The following CBX3 variants were observed in gnomAD, a reference collection of about 807,000 sequenced individuals.
CBX3 encodes chromobox 3.
CBX3 carries 5 observed loss-of-function variants against 22.6 expected under a neutral mutation model. That is an observed-to-expected ratio of 0.22 (90% CI 0.12 to 0.47). The LOEUF (loss-of-function observed/expected upper bound fraction) is 0.47. CBX3 is among the 20% of genes least tolerant of loss of function. The pLI is 0.99. For synonymous variants in CBX3, 50 were observed against 66.6 expected, an observed-to-expected ratio of 0.75 and a Z score of 1.21; for missense variants, 83 against 208.1, an observed-to-expected ratio of 0.40 and a Z score of 3.70.
rs1463282258 is a variant in CBX3, at chr7:26,201,840, C to T, written c.-29+14C>T. 1.1e-4 allele frequency: 11 copies of T among 97,446 alleles called. No homozygotes were observed. Among genetic ancestry groups the T allele is most frequent in the East Asian group, 7.5e-4 (2 of 2,682 alleles). 6.0% of individuals were successfully genotyped at this position (97,446 alleles called of 1,614,324 possible). ...GGAGGCGGTGAAGTCGGTGGCTTTC[C>T]TTCTCTCTAGCTCTCGCTCGCTGGT... is the stretch of plus-strand genomic sequence containing the variant. On this transcript the variant is annotated intron_variant, in intron 1 of 5. Coordinates refer to ENST00000396386, the MANE Select transcript of CBX3 (RefSeq NM_016587.4).
At position 26,203,034 on chromosome 7, in the gene CBX3, AAAACC is replaced by A; in HGVS notation, c.24+13_24+17del. 1 of 1,596,266 alleles carries A rather than the reference AAAACC, an allele frequency of 6.3e-7. No individual in the cohort carries two copies. The highest frequency in any genetic ancestry group is 8.6e-7 in the Non-Finnish European group (1 of 1,164,742). ...ACAAAACTACATTGGTAAGTTAATG[AAAACC>A]TAAAATATGTAAGGATTTAACTCAA... On this transcript the variant is annotated intron_variant, in intron 2 of 5. Transcript: ENST00000396386.
Position 26,208,376 on chromosome 7 carries a change from TA to T in CBX3, c.168-15del. ...TTAATTCAATCACCTTTTTTTTTTT[TA>T]ATAAACTAAACACAGTGCTGACAAT... is the stretch of plus-strand genomic sequence containing the variant. On this transcript the variant is annotated splice_polypyrimidine_tract_variant and intron_variant, in intron 3 of 5. Transcript: ENST00000396386. The T allele has an allele frequency of 6.5e-7, 1 of 1,535,238 alleles. No homozygotes were observed. Among genetic ancestry groups the T allele is most frequent in the South Asian group, 1.2e-5 (1 of 82,140 alleles).
rs1247848424 is a variant in CBX3, at chr7:26,212,875, T to G, written c.*667T>G. The stretch of plus-strand genomic sequence containing the variant: ...TGCAAAATTCCTAAAAGGAAAAATT[T>G]TATCACTGCCATCACAGCAGGTTTC... On this transcript the variant is annotated 3_prime_UTR_variant, in exon 6 of 6. Transcript: ENST00000396386. 1.3e-5 allele frequency: 2 copies of G among 152,278 alleles called. No individual in the cohort carries two copies. Among genetic ancestry groups the G allele is most frequent in the African/African-American group, 4.8e-5 (2 of 41,466 alleles). 9.4% of individuals were successfully genotyped at this position (152,278 alleles called of 1,614,324 possible).
chr7:26,205,221 T>C (rs1784648344), intron 2 of CBX3, among the ~76,000 whole-genome samples: 1 of 152,158 alleles, frequency 6.6e-6, no homozygotes, highest in African/African-American at 2.4e-5. Flanking sequence ...TTTTTAGTCC[T>C]CTCATAGGAA....
chr7:26,208,336 G>C, intron 3 of CBX3, 57 bp from the exon 4 acceptor site: 1 of 1,366,052 alleles, frequency 7.3e-7, no homozygotes, highest in Non-Finnish European at 1.0e-6. Flanking sequence ...TCTGGATAAT[G>C]GTGATGAATC....
intron 3 of CBX3, among the ~76,000 whole-genome samples, chr7:26,206,777 T>C (rs11971676): frequency 0.019 from 2,859 of 152,294 alleles, 90 homozygotes; most frequent in African/African-American, 0.066. Context: ...ATGTAATATA[T>C]TTTAATGTGG....
At chr7:26,205,119 A>T (rs2128136965) in intron 2 of CBX3, among the ~76,000 whole-genome samples, 1 of 152,264 alleles carries the variant, frequency 6.6e-6, no homozygotes. Flanking sequence ...AAATGTTAAG[A>T]TGGATTCCTT....
intron 2 of CBX3, 156 bp from the exon 3 acceptor site, chr7:26,206,212 G>A: frequency 1.8e-6 from 1 of 568,800 alleles, no homozygotes; most frequent in South Asian, 2.4e-5. Context: ...TTATTTTATT[G>A]TCTGTTGACT....
chr7:26,208,565 A>G lies in CBX3; in HGVS notation c.330+10A>G, dbSNP rs776489024. 1.1e-5 allele frequency: 16 copies of G among 1,420,530 alleles called. No homozygotes were observed. The South Asian group carries it at 2.0e-4, about 18-fold the overall frequency. 88.0% of individuals were successfully genotyped at this position (1,420,530 alleles called of 1,614,324 possible). On this transcript the variant is annotated intron_variant, in intron 4 of 5. Transcript: ENST00000396386. ...GAAGAAAAGAGATGCTGTAAGTATAAAATATTGCCCACCAGCTTGTCCTTT... is the reference window on the plus strand; with the variant it reads ...GAAGAAAAGAGATGCTGTAAGTATAGAATATTGCCCACCAGCTTGTCCTTT...
chr7:26,206,268 ATTT>A, intron 2 of CBX3, 97 bp from the exon 3 acceptor site: 1 of 752,020 alleles, frequency 1.3e-6, no homozygotes, highest in South Asian at 1.9e-5. Flanking sequence ...AGAAGTAAAA[ATTT>A]ATGTCGAATG....
In CBX3 at chr7:26,212,631, G is replaced by A. The variant is rs1784834169; in HGVS notation, c.*423G>A. On this transcript the variant is annotated 3_prime_UTR_variant, in exon 6 of 6. Coordinates refer to ENST00000396386, the MANE Select transcript of CBX3 (RefSeq NM_016587.4). ...GTGTGTGTATCCATAAAATGCATAT[G>A]TAAATTTTTTTTTGTTTTTAAGCAT... 1 of 151,886 alleles carries A rather than the reference G, an allele frequency of 6.6e-6. No homozygotes were observed. Among genetic ancestry groups the A allele is most frequent in the Non-Finnish European group, 1.5e-5 (1 of 67,998 alleles). The allele number at this position is 151,886 out of a possible 1,614,324, so 9.4% of individuals were successfully genotyped here. A position where few individuals can be genotyped will look rare whatever the true frequency, so the allele number is the denominator to read the frequency against.
chr7:26,203,344 C>T (rs960728735), intron 2 of CBX3, among the ~76,000 whole-genome samples: 128 of 152,066 alleles, frequency 8.4e-4, no homozygotes, highest in African/African-American at 3.0e-3. Flanking sequence ...TGGTAAAGCC[C>T]TTGTTGGTTG....
chr7:26,203,078 A>ATG lies in CBX3; in HGVS notation c.24+56_24+57insTG. Reference sequence around the variant, plus strand: ...GATTTAACTCAAGTTTTTTTTCCCCACAGTATAACTTTGCATCTCTGTGGC... The same window carrying ATG: ...GATTTAACTCAAGTTTTTTTTCCCCATGCAGTATAACTTTGCATCTCTGTGGC... On this transcript the variant is annotated intron_variant, in intron 2 of 5. Coordinates refer to ENST00000396386, the MANE Select transcript of CBX3 (RefSeq NM_016587.4). The ATG allele has an allele frequency of 2.6e-6, 3 of 1,175,072 alleles. No homozygotes were observed. In the South Asian group the frequency reaches 3.9e-5, roughly 15 times the overall value. 72.8% of individuals were successfully genotyped at this position (1,175,072 alleles called of 1,614,324 possible).
rs370029780 is a variant in CBX3 at position 26,210,464 on chromosome 7, G to C, written c.331-1198G>C. 6 of 152,258 alleles carry C rather than the reference G, an allele frequency of 3.9e-5. No homozygotes were observed. The East Asian group carries it at 9.6e-4, about 24-fold the overall frequency. 9.4% of individuals were successfully genotyped at this position (152,258 alleles called of 1,614,324 possible). Reference sequence around the variant, plus strand: ...AAACCACAAAGAGGTTAATTAACTTGCCCAAAGCCACACAGCTCGTAAGTG... The same window carrying C: ...AAACCACAAAGAGGTTAATTAACTTCCCCAAAGCCACACAGCTCGTAAGTG... On this transcript the variant is annotated intron_variant, in intron 4 of 5. Transcript: ENST00000396386.
chr7:26,204,000 G>C (rs1288597688), intron 2 of CBX3, among the ~76,000 whole-genome samples: 2 of 152,192 alleles, frequency 1.3e-5, no homozygotes, highest in Non-Finnish European at 2.9e-5. Context: ...AGGATCACAG[G>C]TTGGCCACTT....
At chr7:26,203,451 A>G (rs1696189215) in intron 2 of CBX3, among the ~76,000 whole-genome samples, 1 of 152,222 alleles carries the variant, frequency 6.6e-6, no homozygotes, top group South Asian at 2.1e-4. Context: ...GTTGGAGCAA[A>G]AGTCATTGAA....
Position 26,213,298 on chromosome 7 carries a change from C to A in CBX3, c.*1090C>A, listed in dbSNP as rs1357344089. 6.6e-6 allele frequency: 1 copy of A among 152,524 alleles called. No individual in the cohort carries two copies. Among genetic ancestry groups the A allele is most frequent in the East Asian group, 1.9e-4 (1 of 5,196 alleles). The allele number at this position is 152,524 out of a possible 1,614,324, so 9.4% of individuals were successfully genotyped here. A position where few individuals can be genotyped will look rare whatever the true frequency, so the allele number is the denominator to read the frequency against. ...ATGTTATCCAACTGTATATTGTTTA[C>A]TTTATTGTAAATACTGGTGAACAGT... On this transcript the variant is annotated 3_prime_UTR_variant, in exon 6 of 6. Transcript: ENST00000396386.
chr7:26,202,818 G>A, intron 1 of CBX3, 153 bp from the exon 2 acceptor site: 1 of 654,292 alleles, frequency 1.5e-6, no homozygotes, highest in Non-Finnish European at 2.7e-6. Context: ...TACATCATAA[G>A]CAATGTAGGT....
chr7:26,208,917 CTTTTTTTTTTTTTTTTT>C (rs59657982), intron 4 of CBX3, among the ~76,000 whole-genome samples: 42 of 27,942 alleles, frequency 1.5e-3, no homozygotes, highest in African/African-American at 3.5e-3. Context: ...CACGCCTGGC[CTTTTTTTTTTTTTTTTT>C]TTTTTTTTTT....
Sources: allele counts gnomAD v4.1 joint callset (sites outside exome capture counted in the v4.1 genomes callset), GRCh38; gene constraint gnomAD v4.1.1; transcripts MANE v1.5; gene names NCBI Gene and HGNC (gene_info 2026-07-23, HGNC 2026-07-21).